Variants in DPP10 observed in about 807,000 individuals in gnomAD.
DPP10 encodes dipeptidyl peptidase like 10, also known as inactive dipeptidyl peptidase 10.
Under a neutral mutation model 120.9 loss-of-function variants are expected in DPP10, and 33 were observed. The ratio of observed to expected loss-of-function variants is 0.27; its 90% CI spans 0.21 to 0.37. The LOEUF (loss-of-function observed/expected upper bound fraction) is 0.37, where lower values mean the gene tolerates loss of function less well. Among genes scored for constraint, DPP10 ranks in the 10% least tolerant of loss-of-function variants. The pLI is 1.00. For synonymous variants in DPP10, 337 were observed against 326.1 expected, an observed-to-expected ratio of 1.03 and a Z score of -0.36; for missense variants, 816 against 942.8, an observed-to-expected ratio of 0.87 and a Z score of 1.76.
chr2:115,044,535 A>C (rs1828311), intron 1 of DPP10, among the ~76,000 whole-genome samples: 147,159 of 152,026 alleles, frequency 0.97, 71,427 homozygotes, highest in Middle Eastern at 1. Flanking sequence ...ATCATGAGAA[A>C]AGCACTGGAA....
chr2:114,961,153 G>A (rs1336969584), intron 1 of DPP10, among the ~76,000 whole-genome samples: 1 of 136,576 alleles, frequency 7.3e-6, no homozygotes, highest in East Asian at 2.4e-4. Flanking sequence ...CCGGGTTCAA[G>A]CAGCAATTCT....
At chr2:115,202,591 A>T (rs2055815756) in intron 1 of DPP10, among the ~76,000 whole-genome samples, 2 of 152,204 alleles carry the variant, frequency 1.3e-5, no homozygotes, top group Non-Finnish European at 2.9e-5. Context: ...TTTTGAGAAT[A>T]CAAAATTGGA....
rs2058624468 is a variant in DPP10 at position 115,248,393 on chromosome 2, G to T, written c.61-60846G>T. 3.3e-5 allele frequency among the ~76,000 whole-genome samples: 5 copies of T among 152,130 alleles called. No individual in the cohort carries two copies. The South Asian group carries it at 1.0e-3, about 32-fold the overall frequency. ...TACTCTGGCCTCTTTTTCTTTAGAA[G>T]ATATTTCTTTCTTTTTTCTTTTTTT... On this transcript the variant is annotated intron_variant, in intron 1 of 25. Coordinates refer to ENST00000410059, the MANE Select transcript of DPP10 (RefSeq NM_020868.6).
At chr2:115,290,705 C>G (rs775418609) in intron 1 of DPP10, among the ~76,000 whole-genome samples, 14 of 152,164 alleles carry the variant, frequency 9.2e-5, no homozygotes, top group Admixed American at 5.2e-4. Flanking sequence ...AGGTGATGCA[C>G]CATATATTTT....
At chr2:115,558,312 T>C (rs554126044) in intron 5 of DPP10, among the ~76,000 whole-genome samples, 1 of 152,262 alleles carries the variant, frequency 6.6e-6, no homozygotes, top group South Asian at 2.1e-4. Context: ...CTGCACATAA[T>C]TTAGAACTAT....
intron 1 of DPP10, among the ~76,000 whole-genome samples, chr2:114,784,744 T>C (rs1682627063): frequency 6.6e-6 from 1 of 152,166 alleles, no homozygotes; most frequent in Non-Finnish European, 1.5e-5. Flanking sequence ...CTTGGGTTGG[T>C]TTCAAGTACA....
chr2:115,517,263 AT>A (rs1447527965), intron 4 of DPP10, among the ~76,000 whole-genome samples: 1 of 152,194 alleles, frequency 6.6e-6, no homozygotes, highest in African/African-American at 2.4e-5. Context: ...TGTAGAATGC[AT>A]GGCTTTCAAC....
At chr2:114,513,236 T>C (rs1684297591) in intron 1 of DPP10, among the ~76,000 whole-genome samples, 1 of 152,112 alleles carries the variant, frequency 6.6e-6, no homozygotes, top group Admixed American at 6.6e-5. Context: ...AAACTGGACC[T>C]TTACAGCTGG....
At chr2:115,217,369 T>A (rs986609123) in intron 1 of DPP10, among the ~76,000 whole-genome samples, 7 of 152,168 alleles carry the variant, frequency 4.6e-5, no homozygotes, top group African/African-American at 1.7e-4. Flanking sequence ...CACATAAGGC[T>A]CATTCAATAT....
intron 1 of DPP10, among the ~76,000 whole-genome samples, chr2:115,183,870 A>G (rs183006501): frequency 9.9e-5 from 15 of 152,248 alleles, no homozygotes; most frequent in African/African-American, 2.6e-4. Flanking sequence ...GAGGAGGGGA[A>G]TCCAGAGGAC....
At chr2:115,215,483 A>G (rs1181559226) in intron 1 of DPP10, among the ~76,000 whole-genome samples, 2 of 152,210 alleles carry the variant, frequency 1.3e-5, no homozygotes, top group Non-Finnish European at 2.9e-5. Flanking sequence ...AATAGTTCAC[A>G]TGTCTATTAT....
intron 1 of DPP10, chr2:114,462,030 G>A: frequency 1.0e-6 from 1 of 985,356 alleles, no homozygotes; most frequent in South Asian, 4.7e-5. Context: ...ATTCATCGCA[G>A]TTGAGAGAAA....
At chr2:115,789,049 C>T (rs546664381) in intron 17 of DPP10, among the ~76,000 whole-genome samples, 27 of 151,686 alleles carry the variant, frequency 1.8e-4, no homozygotes, top group South Asian at 6.3e-4. Flanking sequence ...ACCTGGGAGG[C>T]GGAGCTTGCA....
chr2:115,273,343 T>C (rs189226238), intron 1 of DPP10, among the ~76,000 whole-genome samples: 82 of 152,218 alleles, frequency 5.4e-4, no homozygotes, highest in African/African-American at 1.7e-3. Context: ...TTTTTTTGTT[T>C]GTTTGTGTTT....
intron 1 of DPP10, among the ~76,000 whole-genome samples, chr2:115,049,380 G>T (rs904219676): frequency 6.6e-6 from 1 of 152,084 alleles, no homozygotes; most frequent in Non-Finnish European, 1.5e-5. Context: ...GAGTCAATCA[G>T]ACTGTAGTGA....
chr2:114,904,154 T>A (rs1693797708), intron 1 of DPP10, among the ~76,000 whole-genome samples: 1 of 152,120 alleles, frequency 6.6e-6, no homozygotes, highest in Admixed American at 6.5e-5. Flanking sequence ...TGGTTTCAGT[T>A]AGACATTAGA....
chr2:114,871,650 G>A (rs767252760), intron 1 of DPP10, among the ~76,000 whole-genome samples: 2 of 152,102 alleles, frequency 1.3e-5, no homozygotes, highest in Non-Finnish European at 2.9e-5. Context: ...TTCAACTTGT[G>A]TTTTAGATTC....
In DPP10 at chr2:115,333,043, A is replaced by T. The variant is rs372915426; in HGVS notation, c.176-10774A>T. Among the ~76,000 whole-genome samples, 8 of 152,106 alleles carry T rather than the reference A, an allele frequency of 5.3e-5. No individual in the cohort carries two copies. In the East Asian group the frequency reaches 7.7e-4, roughly 15 times the overall value. On this transcript the variant is annotated intron_variant, in intron 2 of 25. Transcript: ENST00000410059. ...TGGGGTGTTAAAGTTTCCCATTAAT[A>T]TTGTGTGGGAGTCTAAGTCTCTTTG...
chr2:115,222,137 C>T (rs946142309), intron 1 of DPP10, among the ~76,000 whole-genome samples: 10 of 152,098 alleles, frequency 6.6e-5, no homozygotes, highest in South Asian at 4.1e-4. Context: ...GTACCACTTA[C>T]GGGGGAAGAA....
Sources: gnomAD v4.1 joint callset for allele counts (sites outside exome capture counted in the v4.1 genomes callset) on GRCh38, gnomAD v4.1.1 for gene constraint, MANE v1.5 for transcripts, NCBI Gene and HGNC (gene_info 2026-07-23, HGNC 2026-07-21) for gene names.